Variants in PTPRD observed in about 807,000 individuals in gnomAD.
PTPRD encodes the protein protein tyrosine phosphatase receptor type D, also known as receptor-type tyrosine-protein phosphatase delta.
A neutral mutation model predicts 214.5 loss-of-function variants in PTPRD; 34 were observed. The ratio of observed to expected loss-of-function variants is 0.16; its 90% CI spans 0.12 to 0.21. The LOEUF (loss-of-function observed/expected upper bound fraction) is 0.21, where lower values mean the gene tolerates loss of function less well. PTPRD is among the 10% of genes least tolerant of loss of function. The pLI, the probability that PTPRD is intolerant of heterozygous loss-of-function variation, is 1.00. For synonymous variants in PTPRD, 1,128 were observed against 845.7 expected (o/e 1.33, Z -5.79); for missense variants, 2,545 against 2,398.7 (o/e 1.06, Z -1.27).
chr9:9,426,401 G>A, intron 8 of PTPRD, among the ~76,000 whole-genome samples: 1 of 152,190 alleles, frequency 6.6e-6, no homozygotes, highest in East Asian at 1.9e-4. Flanking sequence ...GGTAAACAAA[G>A]CAGCTGGGAA....
At chr9:8,561,750 G>A (rs1274061391) in intron 14 of PTPRD, among the ~76,000 whole-genome samples, 1 of 137,144 alleles carries the variant, frequency 7.3e-6, no homozygotes, top group Non-Finnish European at 1.5e-5. Flanking sequence ...AGGATCCTTG[G>A]ATTTTTTTTT....
At chr9:8,537,528 A>T (rs549117339) in intron 14 of PTPRD, among the ~76,000 whole-genome samples, 2 of 152,192 alleles carry the variant, frequency 1.3e-5, no homozygotes, top group South Asian at 4.1e-4. Context: ...CTAAGCTTTT[A>T]TTTCAGAGTA....
chr9:8,473,686 G>GA (rs368967077), intron 30 of PTPRD, among the ~76,000 whole-genome samples: 3,572 of 149,498 alleles, frequency 0.024, 103 homozygotes, highest in African/African-American at 0.07. Flanking sequence ...TCTTGTACAT[G>GA]AAAAAAAAAA....
chr9:9,668,881 G>A (rs1244051015), intron 7 of PTPRD, among the ~76,000 whole-genome samples: 1 of 152,060 alleles, frequency 6.6e-6, no homozygotes, highest in Admixed American at 6.6e-5. Flanking sequence ...GAGGCAGAGT[G>A]GTCTCCTATT....
At chr9:10,130,174 T>A (rs576603015) in intron 3 of PTPRD, among the ~76,000 whole-genome samples, 598 of 18,520 alleles carry the variant, frequency 0.032, 3 homozygotes, top group Middle Eastern at 0.17. Flanking sequence ...CTCAAATCTA[T>A]TTTTTTTTTT....
At chr9:10,180,302 C>T (rs1198284414) in intron 3 of PTPRD, among the ~76,000 whole-genome samples, 5 of 151,952 alleles carry the variant, frequency 3.3e-5, no homozygotes, top group African/African-American at 1.2e-4. Flanking sequence ...AATATGTCCA[C>T]AGGATAAAAG....
intron 11 of PTPRD, among the ~76,000 whole-genome samples, chr9:8,936,366 G>T (rs919940250): frequency 3.1e-5 from 4 of 130,386 alleles, no homozygotes; most frequent in Non-Finnish European, 6.1e-5. Flanking sequence ...AGAGGTTGCG[G>T]CAGTGAGCCT....
At chr9:8,948,425 T>A (rs559449039) in intron 11 of PTPRD, among the ~76,000 whole-genome samples, 14 of 37,110 alleles carry the variant, frequency 3.8e-4, no homozygotes, top group African/African-American at 5.2e-4. Context: ...ATATATATAT[T>A]TATATATATA....
intron 30 of PTPRD, among the ~76,000 whole-genome samples, chr9:8,475,995 G>A (rs2096756772): frequency 6.6e-6 from 1 of 152,138 alleles, no homozygotes; most frequent in Non-Finnish European, 1.5e-5. Flanking sequence ...ATTTCTCTTA[G>A]GATAAAGACT....
chr9:9,625,488 C>T (rs755121740), intron 7 of PTPRD, among the ~76,000 whole-genome samples: 3 of 152,082 alleles, frequency 2.0e-5, no homozygotes, highest in Non-Finnish European at 2.9e-5. Flanking sequence ...CTGATTGGAC[C>T]GTACCACCCC....
At chr9:8,675,287 T>G (rs1457943830) in intron 12 of PTPRD, among the ~76,000 whole-genome samples, 1 of 152,092 alleles carries the variant, frequency 6.6e-6, no homozygotes, top group Non-Finnish European at 1.5e-5. Context: ...TTTTTGTACC[T>G]ATTTTATGGA....
At chr9:9,773,055 A>G (rs1281875189) in intron 5 of PTPRD, among the ~76,000 whole-genome samples, 1 of 152,136 alleles carries the variant, frequency 6.6e-6, no homozygotes, top group Non-Finnish European at 1.5e-5. Flanking sequence ...TTTATTTGTA[A>G]ACCATGTTTT....
At chr9:10,513,879 C>A (rs1456255220) in intron 2 of PTPRD, among the ~76,000 whole-genome samples, 1 of 152,038 alleles carries the variant, frequency 6.6e-6, no homozygotes, top group Non-Finnish European at 1.5e-5. Flanking sequence ...GAAAAATGAG[C>A]AAGATACCAG....
chr9:8,710,000 C>G (rs531270201), intron 12 of PTPRD, among the ~76,000 whole-genome samples: 2 of 152,154 alleles, frequency 1.3e-5, no homozygotes, highest in Non-Finnish European at 2.9e-5. Flanking sequence ...GGACAAATTA[C>G]TTAACCCCTC....
At chr9:8,926,173 TG>T (rs1403451888) in intron 11 of PTPRD, among the ~76,000 whole-genome samples, 1 of 152,082 alleles carries the variant, frequency 6.6e-6, no homozygotes, top group Non-Finnish European at 1.5e-5. Context: ...ATCCTCTGAC[TG>T]GAATACCTTT....
At chr9:9,707,623 C>CA (rs1223200982) in intron 7 of PTPRD, among the ~76,000 whole-genome samples, 1 of 151,934 alleles carries the variant, frequency 6.6e-6, no homozygotes, top group Non-Finnish European at 1.5e-5. Context: ...AAGTTATTAG[C>CA]AAAAAATAGT....
chr9:10,188,143 T>G (rs1365399349), intron 3 of PTPRD, among the ~76,000 whole-genome samples: 1 of 152,174 alleles, frequency 6.6e-6, no homozygotes, highest in Non-Finnish European at 1.5e-5. Context: ...TTTATGCGGT[T>G]TGTCCCAATG....
At chr9:10,223,265 T>C (rs1564623615) in intron 3 of PTPRD, among the ~76,000 whole-genome samples, 1 of 151,930 alleles carries the variant, frequency 6.6e-6, no homozygotes, top group Non-Finnish European at 1.5e-5. Flanking sequence ...TCTGTACCTT[T>C]TACCCTATTT....
intron 9 of PTPRD, among the ~76,000 whole-genome samples, chr9:9,332,325 A>T (rs1016606057): frequency 6.6e-6 from 1 of 151,980 alleles, no homozygotes; most frequent in Admixed American, 6.6e-5. Flanking sequence ...TACACTCACA[A>T]TGCAGATAGC....
Sources: gnomAD v4.1 joint callset for allele counts (sites outside exome capture counted in the v4.1 genomes callset) on GRCh38, gnomAD v4.1.1 for gene constraint, MANE v1.5 for transcripts, NCBI Gene and HGNC (gene_info 2026-07-23, HGNC 2026-07-21) for gene names.